RORA: variants seen among roughly 807,000 people sequenced by gnomAD.
RORA encodes RAR related orphan receptor A, also known as nuclear receptor ROR-alpha.
RORA carries 7 observed loss-of-function variants against 69.5 expected under a neutral mutation model. The observed-to-expected ratio is 0.10, with a 90% CI of 0.06 to 0.19. The LOEUF is 0.19. RORA is among the 10% of genes least tolerant of loss of function. The pLI is 1.00. For missense variants in RORA, 457 were observed against 663.0 expected (o/e 0.69, Z 3.41); for synonymous variants, 261 against 240.8 (o/e 1.08, Z -0.78).
At chr15:60,925,090 AATT>A (rs1892169123) in intron 1 of RORA, among the ~76,000 whole-genome samples, 1 of 137,874 alleles carries the variant, frequency 7.3e-6, no homozygotes, top group African/African-American at 2.6e-5. Context: ...AAAATAAATA[AATT>A]AATAAAATAA....
chr15:60,597,555 TA>T (rs1387750519), intron 2 of RORA, among the ~76,000 whole-genome samples: 1 of 25,600 alleles, frequency 3.9e-5, no homozygotes, highest in Non-Finnish European at 6.6e-5. Flanking sequence ...ACACAACATA[TA>T]TATATATATA....
chr15:60,743,124 T>C (rs1047328105), intron 1 of RORA, among the ~76,000 whole-genome samples: 3 of 151,670 alleles, frequency 2.0e-5, no homozygotes, highest in African/African-American at 7.3e-5. Flanking sequence ...AAGTGATTCT[T>C]GTGCCTCAGC....
intron 1 of RORA, among the ~76,000 whole-genome samples, chr15:61,013,132 A>C (rs1895143339): frequency 6.6e-6 from 1 of 152,216 alleles, no homozygotes; most frequent in South Asian, 2.1e-4. Flanking sequence ...TTATTCATTC[A>C]GTTGCATAGG....
intron 1 of RORA, among the ~76,000 whole-genome samples, chr15:61,157,175 T>C (rs1032824313): frequency 4.6e-5 from 7 of 152,184 alleles, no homozygotes; most frequent in African/African-American, 1.4e-4. Flanking sequence ...ACCAAGTATT[T>C]TGACCAAGTG....
chr15:61,133,561 G>T (rs1223610243), intron 1 of RORA, among the ~76,000 whole-genome samples: 1 of 152,154 alleles, frequency 6.6e-6, no homozygotes, highest in Non-Finnish European at 1.5e-5. Flanking sequence ...CTAATGTCAG[G>T]CAAGCCCAGG....
chr15:60,891,327 C>T (rs2073810858), intron 1 of RORA, among the ~76,000 whole-genome samples: 1 of 152,092 alleles, frequency 6.6e-6, no homozygotes, highest in African/African-American at 2.4e-5. Flanking sequence ...TGCATGTGTG[C>T]AGTGGGAGAG....
intron 1 of RORA, among the ~76,000 whole-genome samples, chr15:60,910,921 G>A (rs1222779097): frequency 1.6e-5 from 1 of 62,644 alleles, no homozygotes; most frequent in African/African-American, 6.8e-5. Flanking sequence ...TTTTTTTTTT[G>A]AGATGGAGTT....
chr15:60,508,820 A>G (rs1219910405), intron 5 of RORA, among the ~76,000 whole-genome samples: 1 of 152,222 alleles, frequency 6.6e-6, no homozygotes, highest in East Asian at 1.9e-4. Flanking sequence ...GCAAAGCTTT[A>G]GATATCAATT....
intron 1 of RORA, among the ~76,000 whole-genome samples, chr15:60,705,227 G>C (rs149682661): frequency 6.6e-6 from 1 of 152,254 alleles, no homozygotes; most frequent in Non-Finnish European, 1.5e-5. Context: ...TGCTGAACTG[G>C]TTTCATTTGA....
At chr15:60,708,728 G>A (rs1241755721) in intron 1 of RORA, among the ~76,000 whole-genome samples, 2 of 152,134 alleles carry the variant, frequency 1.3e-5, no homozygotes, top group South Asian at 2.1e-4. Flanking sequence ...AGGGTATAGC[G>A]GCAATAGAGC....
intron 1 of RORA, among the ~76,000 whole-genome samples, chr15:60,818,775 G>C (rs1595739107): frequency 6.6e-6 from 1 of 152,166 alleles, no homozygotes; most frequent in African/African-American, 2.4e-5. Flanking sequence ...ATTTTCTTTG[G>C]CTCTTGGTTT....
chr15:60,552,578 C>T (rs889157164), intron 2 of RORA, among the ~76,000 whole-genome samples: 2 of 152,206 alleles, frequency 1.3e-5, no homozygotes, highest in African/African-American at 2.4e-5. Context: ...ATTAGGAAAT[C>T]CTACCACCTG....
chr15:60,508,127 G>A (rs979222952), intron 5 of RORA, among the ~76,000 whole-genome samples: 1 of 152,178 alleles, frequency 6.6e-6, no homozygotes. Flanking sequence ...TGGTCAGGCT[G>A]AATAAAATTC....
intron 2 of RORA, among the ~76,000 whole-genome samples, chr15:60,597,587 T>C (rs1281338646): frequency 4.4e-5 from 1 of 22,628 alleles, no homozygotes; most frequent in Non-Finnish European, 8.0e-5. Context: ...CATATATATA[T>C]ATATATACAC....
intron 1 of RORA, among the ~76,000 whole-genome samples, chr15:60,790,943 C>A (rs1029756481): frequency 6.6e-6 from 1 of 152,060 alleles, no homozygotes; most frequent in African/African-American, 2.4e-5. Flanking sequence ...ATGTCTATGA[C>A]CTTCAGAGGC....
At chr15:61,010,385 C>T (rs879130014) in intron 1 of RORA, among the ~76,000 whole-genome samples, 7 of 152,152 alleles carry the variant, frequency 4.6e-5, no homozygotes, top group African/African-American at 9.7e-5. Context: ...ATATCTAAGA[C>T]GGTCCATATC....
chr15:60,701,952 C>T (rs1001772224), intron 1 of RORA, among the ~76,000 whole-genome samples: 3 of 152,158 alleles, frequency 2.0e-5, no homozygotes, highest in Admixed American at 6.5e-5. Context: ...TAGACCCTCC[C>T]GAGGAACGCT....
intron 1 of RORA, among the ~76,000 whole-genome samples, chr15:60,940,358 G>A (rs1892655633): frequency 6.6e-6 from 1 of 152,116 alleles, no homozygotes; most frequent in African/African-American, 2.4e-5. Flanking sequence ...ACAACAACAT[G>A]GATGAATCTC....
intron 2 of RORA, among the ~76,000 whole-genome samples, chr15:60,643,280 CAT>C (rs1253819857): frequency 5.9e-5 from 9 of 152,162 alleles, no homozygotes; most frequent in Non-Finnish European, 8.8e-5. Flanking sequence ...TCTACTCTGT[CAT>C]GTGTGGAATA....
Sources: allele counts gnomAD v4.1 joint callset (sites outside exome capture counted in the v4.1 genomes callset), GRCh38; gene constraint gnomAD v4.1.1; transcripts MANE v1.5; gene names NCBI Gene and HGNC (gene_info 2026-07-23, HGNC 2026-07-21).